AGO3: variants seen among roughly 807,000 people sequenced by gnomAD.
The protein encoded by AGO3 is protein argonaute-3.
AGO3 carries 16 observed loss-of-function variants against 105.5 expected under a neutral mutation model. The observed-to-expected ratio is 0.15, with a 90% CI of 0.10 to 0.23. The LOEUF is 0.23. AGO3 is among the 10% of genes least tolerant of loss of function. The pLI is 1.00. For missense variants in AGO3, 534 were observed against 1,088.0 expected, an observed-to-expected ratio of 0.49 and a Z score of 7.16; for synonymous variants, 340 against 367.3, an observed-to-expected ratio of 0.93 and a Z score of 0.85.
In AGO3 at chr1:36,059,340, T is replaced by C. The variant is rs1642997184; in HGVS notation, c.*3595T>C. ...TAAAAGGCTAAGTGACAAATGCTTC[T>C]TGAAATTTGTCCTATTTATTGTTGC... On this transcript the variant is annotated 3_prime_UTR_variant, in exon 19 of 19. Transcript: ENST00000373191. The C allele has an allele frequency of 6.6e-6, 1 of 152,102 alleles. No homozygotes were observed. The highest frequency in any genetic ancestry group is 1.5e-5 in the Non-Finnish European group (1 of 68,008). The allele number at this position is 152,102 out of a possible 1,614,324, so 9.4% of individuals were successfully genotyped here. A position where few individuals can be genotyped will look rare whatever the true frequency, so the allele number is the denominator to read the frequency against.
In AGO3 at chr1:36,057,401, CCTTTT is replaced by C. The variant is rs541504279; in HGVS notation, c.*1662_*1666del. The stretch of plus-strand genomic sequence containing the variant: ...ATGTATGTGTTTGGAAGTATAGCTT[CCTTTT>C]CTTTTATATTTATTAGAATAGTGCT... On this transcript the variant is annotated 3_prime_UTR_variant, in exon 19 of 19. Coordinates refer to ENST00000373191, the MANE Select transcript of AGO3 (RefSeq NM_024852.4). The C allele has an allele frequency of 1.4e-4, 21 of 151,650 alleles. 1 individual carries two copies. Among genetic ancestry groups the C allele is most frequent in the South Asian group, 1.0e-3 (5 of 4,776 alleles). 9.4% of individuals were successfully genotyped at this position (151,650 alleles called of 1,614,324 possible). A position where few individuals can be genotyped will look rare whatever the true frequency, so the allele number is the denominator to read the frequency against.
intron 13 of AGO3, among the ~76,000 whole-genome samples, chr1:36,035,035 C>G (rs558836582): frequency 1.3e-5 from 2 of 152,168 alleles, no homozygotes; most frequent in Admixed American, 1.3e-4. Flanking sequence ...AGCAATTAGG[C>G]CTCAAAAAAG....
Position 36,066,871 on chromosome 1 carries a change from T to C in AGO3, c.*11126T>C, listed in dbSNP as rs1239671736. On this transcript the variant is annotated 3_prime_UTR_variant, in exon 19 of 19. Coordinates refer to ENST00000373191, the MANE Select transcript of AGO3 (RefSeq NM_024852.4). ...GGATCCTTGGACAGAAACCTTACAA[T>C]TGTTTAATATTTGCAGAGTAAAAGA... The C allele has an allele frequency of 2.0e-5, 3 of 152,176 alleles. No individual in the cohort carries two copies. Among genetic ancestry groups the C allele is most frequent in the Non-Finnish European group, 1.5e-5 (1 of 68,040 alleles). 9.4% of individuals were successfully genotyped at this position (152,176 alleles called of 1,614,324 possible).
chr1:35,938,426 A>G (rs1430862665), intron 1 of AGO3, among the ~76,000 whole-genome samples: 1 of 152,214 alleles, frequency 6.6e-6, no homozygotes, highest in African/African-American at 2.4e-5. Context: ...TCTTTCTTGT[A>G]TATCTTCCCA....
At chr1:35,990,164 A>G (rs544005766) in intron 5 of AGO3, among the ~76,000 whole-genome samples, 1 of 152,238 alleles carries the variant, frequency 6.6e-6, no homozygotes, top group South Asian at 2.1e-4. Flanking sequence ...GCATCCCTTA[A>G]GAAGCAAGAT....
At chr1:36,007,448 A>G (rs575088129) in intron 6 of AGO3, among the ~76,000 whole-genome samples, 1 of 152,234 alleles carries the variant, frequency 6.6e-6, no homozygotes, top group East Asian at 1.9e-4. Context: ...TGTAATCTCA[A>G]CACTTTGGGA....
chr1:36,009,649 T>C (rs1640499440), intron 9 of AGO3, 55 bp downstream of exon 9: 1 of 1,546,902 alleles, frequency 6.5e-7, no homozygotes, highest in Non-Finnish European at 8.8e-7. Context: ...TGAACTGTAA[T>C]ACTAGAGAAC....
chr1:36,006,971 C>T (rs1640363703), intron 6 of AGO3, among the ~76,000 whole-genome samples: 1 of 152,204 alleles, frequency 6.6e-6, no homozygotes, highest in African/African-American at 2.4e-5. Flanking sequence ...GCATTCTCAA[C>T]CTTAGCAGCA....
chr1:35,967,058 C>T lies in AGO3; in HGVS notation c.295C>T (p.Pro99Ser), dbSNP rs752288503. The change falls in exon 3 of 19, where the codon CCT becomes TCT. Residue 99 changes from proline (P) to serine (S), a missense_variant. Physicochemically the swap from Pro to Ser is moderately conservative, Grantham distance 74. Around this residue, in one of 2 missense-constraint regions of AGO3, gnomAD observed 161 missense variants for 234.0 expected, o/e 0.69. Coordinates refer to ENST00000373191, the MANE Select transcript of AGO3 (RefSeq NM_024852.4). ...KRSLYTANPL[P>S]VATTGVDLDV... ...AAGTCTTTACACCGCCAATCCACTT[C>T]CTGTGGCAACTACAGGGGTAAGATA... 3 of 1,613,164 alleles carry T rather than the reference C, an allele frequency of 1.9e-6. No individual in the cohort carries two copies. The highest frequency in any genetic ancestry group is 1.7e-5 in the Admixed American group (1 of 59,794).
At position 36,067,158 on chromosome 1, in the gene AGO3, G is replaced by A. The variant is rs1643105890; in HGVS notation, c.*11413G>A. ...ACCAAGCAGGGCCTTTCCAGACAAT[G>A]TAGTCTTTCCTGTAAAGAAAATGGT... On this transcript the variant is annotated 3_prime_UTR_variant, in exon 19 of 19. Coordinates refer to ENST00000373191, the MANE Select transcript of AGO3 (RefSeq NM_024852.4). The A allele has an allele frequency of 6.6e-6, 1 of 152,140 alleles. No homozygotes were observed. Among genetic ancestry groups the A allele is most frequent in the Admixed American group, 6.6e-5 (1 of 15,262 alleles). The allele number at this position is 152,140 out of a possible 1,614,324, so 9.4% of individuals were successfully genotyped here.
At position 36,069,708 on chromosome 1, in the gene AGO3, T is replaced by C. The variant is rs567349827; in HGVS notation, c.*13963T>C. 5.9e-5 allele frequency: 9 copies of C among 152,368 alleles called. No homozygotes were observed. The East Asian group carries it at 1.7e-3, about 29-fold the overall frequency. The allele number at this position is 152,368 out of a possible 1,614,324, so 9.4% of individuals were successfully genotyped here. On this transcript the variant is annotated 3_prime_UTR_variant, in exon 19 of 19. Transcript: ENST00000373191. ...CTTTTCAAAAACCAAATGATTTTAGTGGTGCTATGGCAGCTGCAGTTTTGA... is the reference window on the plus strand; with the variant it reads ...CTTTTCAAAAACCAAATGATTTTAGCGGTGCTATGGCAGCTGCAGTTTTGA...
At chr1:36,007,979 T>C (rs1386049803) in intron 6 of AGO3, among the ~76,000 whole-genome samples, 1 of 152,178 alleles carries the variant, frequency 6.6e-6, no homozygotes, top group Non-Finnish European at 1.5e-5. Context: ...CCTAAAATCA[T>C]GTGCTAAATT....
chr1:35,965,861 T>A (rs977276369), intron 2 of AGO3, among the ~76,000 whole-genome samples: 1 of 150,278 alleles, frequency 6.7e-6, no homozygotes, highest in Non-Finnish European at 1.5e-5. Context: ...GTTTTGCTCT[T>A]GTTGCCCAGG....
chr1:35,968,620 G>A (rs1646813409), intron 3 of AGO3, among the ~76,000 whole-genome samples: 1 of 152,070 alleles, frequency 6.6e-6, no homozygotes, highest in African/African-American at 2.4e-5. Flanking sequence ...ATATTCCATT[G>A]TATGTATGTA....
At chr1:36,004,158 G>A in intron 5 of AGO3, 183 bp from the exon 6 acceptor site, 1 of 478,334 alleles carries the variant, frequency 2.1e-6, no homozygotes, top group Non-Finnish European at 3.7e-6. Context: ...TGTAGTATTT[G>A]GCCATTTTGT....
intron 5 of AGO3, among the ~76,000 whole-genome samples, chr1:35,974,945 G>A (rs1646929842): frequency 6.6e-6 from 1 of 151,854 alleles, no homozygotes. Context: ...TCCAGATTAG[G>A]GTATAGTTTC....
At chr1:35,944,279 A>G (rs1327927403) in intron 1 of AGO3, among the ~76,000 whole-genome samples, 1 of 151,716 alleles carries the variant, frequency 6.6e-6, no homozygotes, top group East Asian at 1.9e-4. Context: ...TGCCCAGGCT[A>G]GTCTCAAACT....
At chr1:36,034,086 A>AG in intron 12 of AGO3, 88 bp from the exon 13 acceptor site, 1 of 1,290,108 alleles carries the variant, frequency 7.8e-7, no homozygotes, top group Admixed American at 3.4e-5. Context: ...ATGGATTTTA[A>AG]GGGGGAAACA....
At chr1:36,029,409 T>G (rs1641661190) in intron 12 of AGO3, among the ~76,000 whole-genome samples, 1 of 147,748 alleles carries the variant, frequency 6.8e-6, no homozygotes, top group Non-Finnish European at 1.5e-5. Flanking sequence ...TTTTTTTTTT[T>G]TTTGAGAGAG....
Sources: gnomAD v4.1 joint callset for allele counts (sites outside exome capture counted in the v4.1 genomes callset) on GRCh38, gnomAD v4.1.1 for gene constraint, gnomAD v4.1.1 regional missense constraint, MANE v1.5 for transcripts, NCBI Gene and HGNC (gene_info 2026-07-23, HGNC 2026-07-21) for gene names.